Variants in FSTL5 observed in about 807,000 individuals in gnomAD.
FSTL5 encodes follistatin-related protein 5.
FSTL5 carries 62 observed loss-of-function variants against 89.1 expected under a neutral mutation model. The observed-to-expected ratio is 0.70, with a 90% CI of 0.57 to 0.86. FSTL5 has a LOEUF of 0.86. FSTL5 is among the 40% of genes least tolerant of loss of function. The pLI, the probability that FSTL5 is intolerant of heterozygous loss-of-function variation, is 0.00. For missense variants in FSTL5, 1,057 were observed against 1,001.6 expected (o/e 1.06, Z -0.75); for synonymous variants, 383 against 346.2 (o/e 1.11, Z -1.18).
At position 161,400,194 on chromosome 4, in the gene FSTL5, T is replaced by G. The variant is rs770532275; in HGVS notation, c.1842-13745A>C. Among the ~76,000 whole-genome samples the G allele has an allele frequency of 2.1e-4, 32 of 152,132 alleles. 2 individuals are homozygous for G. Among genetic ancestry groups the G allele is most frequent in the Non-Finnish European group, 5.9e-5 (4 of 67,986 alleles). On this transcript the variant is annotated intron_variant, in intron 15 of 15. Coordinates refer to ENST00000306100, the MANE Select transcript of FSTL5 (RefSeq NM_020116.5). ...TCAGTGAACCTGTGGAGTTCAAACC[T>G]ATATTATTCAGGTCAACTGCATTTT... is the stretch of plus-strand genomic sequence containing the variant.
At chr4:161,750,943 A>T (rs1417656952) in intron 6 of FSTL5, among the ~76,000 whole-genome samples, 1 of 150,766 alleles carries the variant, frequency 6.6e-6, no homozygotes, top group African/African-American at 2.5e-5. Flanking sequence ...ACCTTACTCT[A>T]TTAATATTTG....
At chr4:161,572,091 C>T (rs1706182363) in intron 8 of FSTL5, among the ~76,000 whole-genome samples, 1 of 151,822 alleles carries the variant, frequency 6.6e-6, no homozygotes, top group Non-Finnish European at 1.5e-5. Flanking sequence ...GGGTGGATCA[C>T]CTGGGGTCAG....
rs761074391 is a variant in FSTL5 at position 161,385,827 on chromosome 4, C to T, written c.2464G>A (p.Asp822Asn). Residue 822 changes from aspartate to asparagine, a missense_variant, in exon 16 of 16, where the codon GAT (aspartate) becomes AAT (asparagine). By Grantham distance (23) the Asp-to-Asn change is conservative (BLOSUM62 1). Transcript: ENST00000306100. ...CAGTTTAATTTATTGAGTCGTCCAT[C>T]TAGGATGAAGAGAGAGTCCTTGGAA... ...TPSKDSLFIL[D>N]GRLNKLNCEI... 5 of 1,613,678 alleles carry T rather than the reference C, an allele frequency of 3.1e-6. No homozygotes were observed. The highest frequency in any genetic ancestry group is 1.3e-5 in the African/African-American group (1 of 75,008).
chr4:161,847,899 G>A (rs559462026), intron 4 of FSTL5, among the ~76,000 whole-genome samples: 2 of 151,640 alleles, frequency 1.3e-5, no homozygotes, highest in Admixed American at 1.3e-4. Flanking sequence ...ATCTGGGTGT[G>A]GTGGTGTGTG....
chr4:161,501,353 T>C (rs1578881284), intron 11 of FSTL5, among the ~76,000 whole-genome samples: 1 of 152,124 alleles, frequency 6.6e-6, no homozygotes, highest in East Asian at 1.9e-4. Context: ...ACTTCAGTCA[T>C]ATTTAATCTT....
chr4:162,121,952 T>G (rs556577074), intron 1 of FSTL5, among the ~76,000 whole-genome samples: 1 of 152,032 alleles, frequency 6.6e-6, no homozygotes, highest in Admixed American at 6.5e-5. Flanking sequence ...TTAATAACAT[T>G]TCTTTTCTCC....
intron 2 of FSTL5, among the ~76,000 whole-genome samples, chr4:162,110,078 T>C (rs1356874519): frequency 6.6e-6 from 1 of 152,022 alleles, no homozygotes; most frequent in East Asian, 1.9e-4. Context: ...TAAAAACTTA[T>C]TTATTTTCAC....
At position 162,104,094 on chromosome 4, in the gene FSTL5, C is replaced by T. The variant is rs1044798264; in HGVS notation, c.126+7177G>A. Among the ~76,000 whole-genome samples the T allele has an allele frequency of 2.6e-5, 4 of 152,350 alleles. No homozygotes were observed. In the South Asian group the frequency reaches 6.2e-4, roughly 24 times the overall value. On this transcript the variant is annotated intron_variant, in intron 2 of 15. Transcript: ENST00000306100. ...GTCCACCACTGCTGTTTGCCACTAT[C>T]GCAGACCCACTGCTGACTTCCATCC...
chr4:161,459,651 G>A (rs898373395), intron 13 of FSTL5, among the ~76,000 whole-genome samples: 1 of 151,970 alleles, frequency 6.6e-6, no homozygotes, highest in Admixed American at 6.5e-5. Context: ...GAGGTGGGGA[G>A]AAGCTATTTA....
chr4:161,698,369 C>A (rs1238041805), intron 6 of FSTL5, among the ~76,000 whole-genome samples: 1 of 152,076 alleles, frequency 6.6e-6, no homozygotes, highest in Non-Finnish European at 1.5e-5. Context: ...AAGTGGCTGG[C>A]AGGTGGGTTG....
rs183639086 is a variant in FSTL5, at chr4:161,680,520, C to T, written c.728-24026G>A. ...CAACTTTAACTTTTCTCTTTTTGTTCGTTTGTTTTTGTCTTTCTCCCTCTG... is the reference window on the plus strand; with the variant it reads ...CAACTTTAACTTTTCTCTTTTTGTTTGTTTGTTTTTGTCTTTCTCCCTCTG... On this transcript the variant is annotated intron_variant, in intron 6 of 15. Transcript: ENST00000306100. Among the ~76,000 whole-genome samples, 175 of 151,876 alleles carry T rather than the reference C, an allele frequency of 1.2e-3. 2 individuals carry two copies. Among genetic ancestry groups the T allele is most frequent in the Admixed American group, 9.8e-3 (149 of 15,234 alleles).
chr4:162,000,488 C>T (rs750269600), intron 3 of FSTL5, among the ~76,000 whole-genome samples: 5 of 151,444 alleles, frequency 3.3e-5, no homozygotes, highest in Non-Finnish European at 7.4e-5. Context: ...ATCCCAGCTA[C>T]TTGGGAGGCT....
At chr4:162,027,351 T>C (rs1737335022) in intron 3 of FSTL5, among the ~76,000 whole-genome samples, 1 of 152,128 alleles carries the variant, frequency 6.6e-6, no homozygotes, top group African/African-American at 2.4e-5. Context: ...TTTATAGAAT[T>C]GGTTAATGTT....
chr4:161,504,012 C>T (rs1041109438), intron 11 of FSTL5, among the ~76,000 whole-genome samples: 1 of 151,980 alleles, frequency 6.6e-6, no homozygotes, highest in East Asian at 1.9e-4. Flanking sequence ...TGGGATATCA[C>T]AATTCATGCA....
intron 15 of FSTL5, among the ~76,000 whole-genome samples, chr4:161,422,130 G>C (rs1014841046): frequency 6.6e-6 from 1 of 151,666 alleles, no homozygotes; most frequent in Non-Finnish European, 1.5e-5. Context: ...ATATATATAG[G>C]GTATTGTATA....
intron 10 of FSTL5, among the ~76,000 whole-genome samples, chr4:161,527,029 G>A (rs1188434329): frequency 2.6e-5 from 4 of 152,068 alleles, no homozygotes; most frequent in African/African-American, 9.7e-5. Flanking sequence ...AAATTACCTT[G>A]GGCAGTATGG....
intron 2 of FSTL5, among the ~76,000 whole-genome samples, chr4:162,096,407 T>C (rs1204039531): frequency 6.6e-6 from 1 of 151,442 alleles, no homozygotes; most frequent in Non-Finnish European, 1.5e-5. Context: ...TATTTATTAC[T>C]TATATATTGT....
At chr4:161,862,346 A>T (rs1327272194) in intron 4 of FSTL5, among the ~76,000 whole-genome samples, 2 of 152,230 alleles carry the variant, frequency 1.3e-5, no homozygotes, top group Non-Finnish European at 2.9e-5. Context: ...TAAAGCAGTA[A>T]TAACATCACT....
chr4:161,633,333 T>A (rs1735566256), intron 7 of FSTL5, among the ~76,000 whole-genome samples: 2 of 111,482 alleles, frequency 1.8e-5, no homozygotes, highest in South Asian at 3.1e-4. Context: ...TATTATACTT[T>A]ACATTTTAGG....
Sources: allele counts gnomAD v4.1 joint callset (sites outside exome capture counted in the v4.1 genomes callset), GRCh38; gene constraint gnomAD v4.1.1; transcripts MANE v1.5; gene names NCBI Gene and HGNC (gene_info 2026-07-23, HGNC 2026-07-21).